The following CATSPERT variants were observed in gnomAD, a reference collection of about 807,000 sequenced individuals.
CATSPERT encodes the protein catsper channel auxiliary subunit tau.
chr2:201,530,728 A>G, the CATSPERT span, among the ~76,000 whole-genome samples: 1 of 152,172 alleles, frequency 6.6e-6, no homozygotes, highest in Admixed American at 6.5e-5. Flanking sequence ...TTTAAACTCA[A>G]TTAGAGCTCT....
the CATSPERT span, chr2:201,491,385 A>G: frequency 1.3e-6 from 2 of 1,536,814 alleles, no homozygotes; most frequent in African/African-American, 1.4e-5. Context: ...AGTTTTTCTC[A>G]TCTTCTACAA....
the CATSPERT span, among the ~76,000 whole-genome samples, chr2:201,616,761 T>C: frequency 2.6e-5 from 4 of 152,292 alleles, no homozygotes; most frequent in South Asian, 8.3e-4. Flanking sequence ...AAAGAGGAAG[T>C]CAAATTGTCC....
the CATSPERT span, among the ~76,000 whole-genome samples, chr2:201,613,438 C>G: frequency 2.6e-5 from 4 of 152,200 alleles, no homozygotes; most frequent in Non-Finnish European, 5.9e-5. Context: ...CCCAGGCAAA[C>G]AGGGTCAGAG....
At chr2:201,567,042 C>T in the CATSPERT span, among the ~76,000 whole-genome samples, 2 of 152,316 alleles carry the variant, frequency 1.3e-5, no homozygotes, top group East Asian at 3.9e-4. Flanking sequence ...GTCTCTTTGA[C>T]AATAAAGTTT....
chr2:201,503,534 A>G, the CATSPERT span, among the ~76,000 whole-genome samples: 3 of 152,114 alleles, frequency 2.0e-5, no homozygotes, highest in Non-Finnish European at 2.9e-5. Flanking sequence ...AGCTGGAACT[A>G]TAGGGGGGCA....
chr2:201,609,480 A>G, the CATSPERT span, among the ~76,000 whole-genome samples: 2 of 152,244 alleles, frequency 1.3e-5, no homozygotes, highest in Admixed American at 1.3e-4. Context: ...CATTAAAATC[A>G]TATCAAGTAT....
chr2:201,572,481 A>G, the CATSPERT span, among the ~76,000 whole-genome samples: 2 of 152,214 alleles, frequency 1.3e-5, no homozygotes, highest in South Asian at 2.1e-4. Context: ...CTTTTATTAT[A>G]TATCCTATTC....
chr2:201,599,005 A>G, the CATSPERT span, among the ~76,000 whole-genome samples: 3 of 151,958 alleles, frequency 2.0e-5, no homozygotes, highest in African/African-American at 7.3e-5. Flanking sequence ...AAACTAGCCA[A>G]TCCTAAACTG....
chr2:201,615,729 A>G, the CATSPERT span, among the ~76,000 whole-genome samples: 1 of 152,210 alleles, frequency 6.6e-6, no homozygotes, highest in African/African-American at 2.4e-5. Flanking sequence ...AAGGAGATAG[A>G]GACACAAAAA....
chr2:201,588,085 C>G, the CATSPERT span, among the ~76,000 whole-genome samples: 113 of 152,236 alleles, frequency 7.4e-4, no homozygotes, highest in African/African-American at 2.6e-3. Context: ...GAGCTAGTAC[C>G]ATTCCTACTG....
the CATSPERT span, among the ~76,000 whole-genome samples, chr2:201,574,566 T>C: frequency 1.3e-5 from 2 of 152,170 alleles, no homozygotes; most frequent in African/African-American, 4.8e-5. Flanking sequence ...CATACATATA[T>C]ACACGTGATT....
the CATSPERT span, among the ~76,000 whole-genome samples, chr2:201,527,707 T>C: frequency 2.6e-5 from 4 of 152,160 alleles, no homozygotes; most frequent in African/African-American, 4.8e-5. Context: ...GCTAGCCACA[T>C]GCAGAAGATT....
the CATSPERT span, among the ~76,000 whole-genome samples, chr2:201,551,835 G>C: frequency 1.3e-5 from 2 of 151,574 alleles, no homozygotes; most frequent in African/African-American, 4.9e-5. Context: ...TTTAACCCGG[G>C]AGCCGGAGGT....
chr2:201,496,353 A>AT, the CATSPERT span, among the ~76,000 whole-genome samples: 1 of 152,014 alleles, frequency 6.6e-6, no homozygotes. Flanking sequence ...TTTATTTATT[A>AT]TTTTTTCGAG....
At chr2:201,549,609 T>C in the CATSPERT span, 1 of 152,190 alleles carries the variant, frequency 6.6e-6, no homozygotes, top group South Asian at 2.1e-4. Context: ...AGTTAATTTA[T>C]AGGTTAAAAT....
At chr2:201,544,097 G>C in the CATSPERT span, among the ~76,000 whole-genome samples, 1,578 of 152,284 alleles carry the variant, frequency 0.01, 39 homozygotes, top group Admixed American at 0.05. Flanking sequence ...CTATGAGTGA[G>C]AACATGCGGT....
chr2:201,580,373 T>A, the CATSPERT span, among the ~76,000 whole-genome samples: 1 of 152,372 alleles, frequency 6.6e-6, no homozygotes, highest in Non-Finnish European at 1.5e-5. Flanking sequence ...TTTTACCTAA[T>A]GGTTTTTAGT....
the CATSPERT span, among the ~76,000 whole-genome samples, chr2:201,551,834 G>C: frequency 6.6e-6 from 1 of 151,594 alleles, no homozygotes; most frequent in African/African-American, 2.4e-5. Context: ...CTTTAACCCG[G>C]GAGCCGGAGG....
the CATSPERT span, among the ~76,000 whole-genome samples, chr2:201,576,026 T>A: frequency 6.6e-6 from 1 of 152,124 alleles, no homozygotes; most frequent in Non-Finnish European, 1.5e-5. Context: ...AATTCCAAGT[T>A]CAAGTAACAG....
Sources: gnomAD v4.1 joint callset for allele counts (sites outside exome capture counted in the v4.1 genomes callset) on GRCh38, gnomAD v4.1.1 for gene constraint, MANE v1.5 for transcripts, NCBI Gene and HGNC (gene_info 2026-07-23, HGNC 2026-07-21) for gene names.